Variants in CCDC13 observed in about 807,000 individuals in gnomAD.
CCDC13 encodes coiled-coil domain containing 13, also known as coiled-coil domain-containing protein 13.
A neutral mutation model predicts 87.3 loss-of-function variants in CCDC13; 70 were observed. The observed-to-expected ratio is 0.80, with a 90% CI of 0.66 to 0.98. The LOEUF (loss-of-function observed/expected upper bound fraction) is 0.98. CCDC13 is among the 50% of genes least tolerant of loss of function. The probability of loss-of-function intolerance (pLI) is 0.00; values close to 1 mark genes in which losing one functional copy is unlikely to be tolerated. For synonymous variants in CCDC13, 317 were observed against 360.3 expected, an observed-to-expected ratio of 0.88 and a Z score of 1.36; for missense variants, 842 against 892.0, an observed-to-expected ratio of 0.94 and a Z score of 0.71.
At chr3:42,749,003 C>A (rs1391141753) in intron 5 of CCDC13, among the ~76,000 whole-genome samples, 1 of 152,138 alleles carries the variant, frequency 6.6e-6, no homozygotes, top group Admixed American at 6.6e-5. Flanking sequence ...AGGTGATCCA[C>A]CTGCCTTGGC....
intron 1 of CCDC13, 104 bp from the exon 2 acceptor site, chr3:42,758,455 C>T (rs939710021): frequency 2.4e-5 from 26 of 1,092,658 alleles, no homozygotes; most frequent in South Asian, 3.1e-5. Flanking sequence ...TACTGCTTCG[C>T]GTTGCATGTA....
chr3:42,741,025 C>T (rs965908634), intron 8 of CCDC13: 5 of 152,204 alleles, frequency 3.3e-5, no homozygotes, highest in African/African-American at 1.2e-4. Flanking sequence ...CTGTTTCCTT[C>T]CACCCGCTAT....
rs1477023433 is a variant in CCDC13, at chr3:42,707,685, T to A, written c.*1295A>T. 6.6e-6 allele frequency among the ~76,000 whole-genome samples: 1 copy of A among 152,244 alleles called. No homozygotes were observed. Among genetic ancestry groups the A allele is most frequent in the Non-Finnish European group, 1.5e-5 (1 of 68,036 alleles). ...GTGGCTATGTCTTCACGTGTGGGAA[T>A]GTGTGTCCACATCCACATGTGTGTG... On this transcript the variant is annotated 3_prime_UTR_variant, in exon 16 of 16. Coordinates refer to ENST00000310232, the MANE Select transcript of CCDC13 (RefSeq NM_144719.4).
At chr3:42,753,120 G>T (rs996300367) in intron 3 of CCDC13, among the ~76,000 whole-genome samples, 1 of 152,166 alleles carries the variant, frequency 6.6e-6, no homozygotes, top group Non-Finnish European at 1.5e-5. Context: ...CATTTGGCTT[G>T]CTTTGGCCAA....
chr3:42,751,806 A>T, intron 5 of CCDC13, 130 bp downstream of exon 5: 1 of 722,486 alleles, frequency 1.4e-6, no homozygotes, highest in South Asian at 1.6e-5. Flanking sequence ...GACAATGGGC[A>T]CCTGGCTCGG....
intron 13 of CCDC13, among the ~76,000 whole-genome samples, chr3:42,728,280 A>G (rs977406927): frequency 6.6e-6 from 1 of 152,078 alleles, no homozygotes; most frequent in Non-Finnish European, 1.5e-5. Flanking sequence ...GCACCCTGGG[A>G]TGCTGGGATG....
At chr3:42,749,827 T>A (rs754210339) in intron 5 of CCDC13, 3 of 456,130 alleles carry the variant, frequency 6.6e-6, no homozygotes, top group Non-Finnish European at 1.3e-5. Context: ...CATCACGGCC[T>A]CCTGAAGCCC....
chr3:42,714,683 C>A (rs928016825), intron 13 of CCDC13, among the ~76,000 whole-genome samples: 1 of 152,222 alleles, frequency 6.6e-6, no homozygotes, highest in Non-Finnish European at 1.5e-5. Flanking sequence ...TTGAAACTGA[C>A]AGTGTTGGAG....
At chr3:42,738,908 T>G (rs1486440687) in intron 9 of CCDC13, among the ~76,000 whole-genome samples, 1 of 152,234 alleles carries the variant, frequency 6.6e-6, no homozygotes, top group Non-Finnish European at 1.5e-5. Context: ...TATTTCTTTC[T>G]CTTGCCTGAT....
chr3:42,744,114 A>G (rs1033670349), intron 7 of CCDC13, among the ~76,000 whole-genome samples: 109 of 152,196 alleles, frequency 7.2e-4, no homozygotes, highest in African/African-American at 2.6e-3. Flanking sequence ...CGGAAGGGAC[A>G]TGGAATCTGC....
chr3:42,763,416 C>A (rs1699873530), intron 1 of CCDC13, among the ~76,000 whole-genome samples: 1 of 151,968 alleles, frequency 6.6e-6, no homozygotes, highest in Admixed American at 6.6e-5. Context: ...GAATTTGTTG[C>A]CAACATTCAA....
chr3:42,749,748 G>A (rs1276558651), intron 5 of CCDC13: 9 of 390,346 alleles, frequency 2.3e-5, no homozygotes, highest in South Asian at 7.4e-5. Flanking sequence ...TCCCCTACCC[G>A]AGGCTGTTTT....
chr3:42,715,039 C>G (rs1698396421), intron 13 of CCDC13, among the ~76,000 whole-genome samples: 1 of 152,048 alleles, frequency 6.6e-6, no homozygotes, highest in Non-Finnish European at 1.5e-5. Flanking sequence ...CACCTGTAAT[C>G]CCAGCACTTT....
At chr3:42,736,683 T>TGC (rs1699030965) in intron 9 of CCDC13, among the ~76,000 whole-genome samples, 1 of 152,048 alleles carries the variant, frequency 6.6e-6, no homozygotes, top group African/African-American at 2.4e-5. Flanking sequence ...TGGTCTTCTG[T>TGC]GCCCCGCTCA....
At chr3:42,733,697 CT>C (rs2125884207) in intron 10 of CCDC13, 88 bp from the exon 11 acceptor site, 1 of 1,477,674 alleles carries the variant, frequency 6.8e-7, no homozygotes, top group East Asian at 2.4e-5. Context: ...GATTTCGGGG[CT>C]TTCAGAGGAT....
intron 1 of CCDC13, among the ~76,000 whole-genome samples, chr3:42,764,789 G>A (rs986994360): frequency 6.6e-6 from 1 of 152,102 alleles, no homozygotes; most frequent in East Asian, 1.9e-4. Context: ...TCCCCTCAGG[G>A]CACTCTGTGG....
At chr3:42,752,120 TG>T in intron 4 of CCDC13, 95 bp from the exon 5 acceptor site, 1 of 1,059,814 alleles carries the variant, frequency 9.4e-7, no homozygotes, top group Non-Finnish European at 1.4e-6. Context: ...TTACCTATCT[TG>T]GTGGTGTGTC....
chr3:42,716,671 TG>T (rs1698437378), intron 13 of CCDC13, among the ~76,000 whole-genome samples: 1 of 152,178 alleles, frequency 6.6e-6, no homozygotes, highest in Non-Finnish European at 1.5e-5. Flanking sequence ...TGGCTATTAT[TG>T]AAAAAAAGGA....
intron 1 of CCDC13, among the ~76,000 whole-genome samples, chr3:42,769,107 C>G (rs1056774841): frequency 6.6e-6 from 1 of 152,008 alleles, no homozygotes; most frequent in African/African-American, 2.4e-5. Flanking sequence ...CATTGCACTC[C>G]AGTCTGGGCA....
Sources: gnomAD v4.1 joint callset for allele counts (sites outside exome capture counted in the v4.1 genomes callset) on GRCh38, gnomAD v4.1.1 for gene constraint, MANE v1.5 for transcripts, NCBI Gene and HGNC (gene_info 2026-07-23, HGNC 2026-07-21) for gene names.